The following SMC4 variants were observed in gnomAD, a reference collection of about 807,000 sequenced individuals.
SMC4 encodes the protein structural maintenance of chromosomes protein 4.
A neutral mutation model predicts 145.6 loss-of-function variants in SMC4; 87 were observed. The ratio of observed to expected loss-of-function variants is 0.60; its 90% CI spans 0.50 to 0.71. The LOEUF (loss-of-function observed/expected upper bound fraction) is 0.71. SMC4 is among the 30% of genes least tolerant of loss of function. The probability of loss-of-function intolerance (pLI) is 0.00; values close to 1 mark genes in which losing one functional copy is unlikely to be tolerated. For missense variants in SMC4, 1,447 were observed against 1,537.1 expected, an observed-to-expected ratio of 0.94 and a Z score of 0.98; for synonymous variants, 558 against 500.7, an observed-to-expected ratio of 1.11 and a Z score of -1.53.
Position 160,433,991 on chromosome 3 carries a change from C to A in SMC4, c.*182C>A. 1 of 450,558 alleles carries A rather than the reference C, an allele frequency of 2.2e-6. No individual in the cohort carries two copies. 27.9% of individuals were successfully genotyped at this position (450,558 alleles called of 1,614,324 possible). A position where few individuals can be genotyped will look rare whatever the true frequency, so the allele number is the denominator to read the frequency against. ...ATTCTCTATAATTGCTTCTAGATTA[C>A]AAAAATATGACAATCTTGTAAGTAG... On this transcript the variant is annotated 3_prime_UTR_variant, in exon 24 of 24. Transcript: ENST00000357388.
rs1443693066 is a variant in SMC4, at chr3:160,421,368, A to G, written c.2019+467A>G. Among the ~76,000 whole-genome samples, 4 of 152,340 alleles carry G rather than the reference A, an allele frequency of 2.6e-5. No homozygotes were observed. In the East Asian group the frequency reaches 7.7e-4, roughly 29 times the overall value. On this transcript the variant is annotated intron_variant, in intron 13 of 23. Transcript: ENST00000357388. ...TTATATGATTATAAAAAATTGTTTG[A>G]CATTTGCAGTGCCTCCACTAAAGGA...
At chr3:160,400,680 T>C (rs1714483644) in intron 1 of SMC4, 142 bp from the exon 2 acceptor site, 2 of 1,082,290 alleles carry the variant, frequency 1.8e-6, no homozygotes, top group South Asian at 4.0e-5. Flanking sequence ...TTTCGATGGC[T>C]CCCTTCCCGA....
At chr3:160,406,559 G>A (rs961699300) in intron 5 of SMC4, among the ~76,000 whole-genome samples, 9 of 152,066 alleles carry the variant, frequency 5.9e-5, no homozygotes, top group African/African-American at 1.7e-4. Context: ...AAACAGCATC[G>A]TAGTATCAAC....
At chr3:160,416,637 A>C in intron 10 of SMC4, 1 of 300,084 alleles carries the variant, frequency 3.3e-6, no homozygotes, top group Non-Finnish European at 6.2e-6. Flanking sequence ...TAGTAGCAGA[A>C]GGTGTGATGT....
At chr3:160,412,240 C>A in intron 6 of SMC4, 86 bp from the exon 7 acceptor site, 1 of 1,445,198 alleles carries the variant, frequency 6.9e-7, no homozygotes, top group South Asian at 1.3e-5. Context: ...TCCTTATTAA[C>A]TGTTTTTATC....
chr3:160,402,119 A>G, intron 3 of SMC4, 26 bp downstream of exon 3: 2 of 1,414,998 alleles, frequency 1.4e-6, no homozygotes. Flanking sequence ...TAACTATTTT[A>G]TAACTTTTTA....
intron 5 of SMC4, among the ~76,000 whole-genome samples, chr3:160,407,812 G>A (rs1376861641): frequency 6.6e-6 from 1 of 152,062 alleles, no homozygotes; most frequent in African/African-American, 2.4e-5. Context: ...CCACAACTAG[G>A]GTGAAGGTGG....
rs1715555999 is a variant in SMC4, at chr3:160,408,167, A to C, written c.687+3663A>C. 2.0e-5 allele frequency among the ~76,000 whole-genome samples: 3 copies of C among 151,300 alleles called. No individual in the cohort carries two copies. The South Asian group carries it at 6.2e-4, about 31-fold the overall frequency. On this transcript the variant is annotated intron_variant, in intron 5 of 23. Coordinates refer to ENST00000357388, the MANE Select transcript of SMC4 (RefSeq NM_001002800.3). ...CTCCTTCATAGTAATTACAAGTAAA[A>C]ATAAAGAGAAGAATAATTGAGGCCT... is the stretch of plus-strand genomic sequence containing the variant.
In SMC4 at chr3:160,434,794, A is replaced by G. The variant is rs1181628151; in HGVS notation, c.*985A>G. 6.6e-6 allele frequency: 1 copy of G among 152,176 alleles called. No homozygotes were observed. The highest frequency in any genetic ancestry group is 1.5e-5 in the Non-Finnish European group (1 of 68,034). 9.4% of individuals were successfully genotyped at this position (152,176 alleles called of 1,614,324 possible). The stretch of plus-strand genomic sequence containing the variant: ...TGCCCTAGCTGTTAAATTTCTGGGT[A>G]TTTATCCTAAGGAATTAATTAAAGA... On this transcript the variant is annotated 3_prime_UTR_variant, in exon 24 of 24. Coordinates refer to ENST00000357388, the MANE Select transcript of SMC4 (RefSeq NM_001002800.3).
At chr3:160,414,584 T>C (rs752071620) in intron 9 of SMC4, 67 bp downstream of exon 9, 1 of 1,413,208 alleles carries the variant, frequency 7.1e-7, no homozygotes, top group South Asian at 1.2e-5. Context: ...CATGGATGTG[T>C]TTGCCCCTTA....
At chr3:160,406,117 A>T (rs576258856) in intron 5 of SMC4, among the ~76,000 whole-genome samples, 1 of 152,130 alleles carries the variant, frequency 6.6e-6, no homozygotes, top group Non-Finnish European at 1.5e-5. Context: ...TCAAATTTAT[A>T]TTACATTTGT....
intron 5 of SMC4, among the ~76,000 whole-genome samples, chr3:160,409,815 C>G (rs1452979614): frequency 2.0e-5 from 3 of 152,104 alleles, no homozygotes; most frequent in Non-Finnish European, 4.4e-5. Context: ...GCCCTTAATC[C>G]CAGCATTTTG....
intron 22 of SMC4, 81 bp from the exon 23 acceptor site, chr3:160,432,945 A>C: frequency 1.1e-6 from 1 of 895,970 alleles, no homozygotes; most frequent in Non-Finnish European, 1.8e-6. Context: ...AGATAGTAGA[A>C]CTCAATTATG....
Position 160,419,539 on chromosome 3 carries a change from G to A in SMC4, c.1853G>A (p.Arg618Lys). Residue 618 changes from arginine to lysine, a missense_variant, in exon 12 of 24, where the codon AGA becomes AAA. Coordinates refer to ENST00000357388, the MANE Select transcript of SMC4 (RefSeq NM_001002800.3). ...KSGRIPGIYG[R>K]LGDLGAIDEK... ...GGCAGGATTCCAGGAATATATGGAA[G>A]ATTGGTAAAGTAGATTTTTGGGGGG... The A allele has an allele frequency of 6.3e-7, 1 of 1,586,030 alleles. No individual in the cohort carries two copies. The highest frequency in any genetic ancestry group is 1.4e-5 in the African/African-American group (1 of 72,768).
intron 23 of SMC4, 84 bp downstream of exon 23, chr3:160,433,293 A>G: frequency 1.0e-6 from 1 of 969,994 alleles, no homozygotes; most frequent in African/African-American, 1.6e-5. Flanking sequence ...ATTTCTTACA[A>G]TTGAGCTTTT....
chr3:160,422,562 C>T (rs578148160), intron 13 of SMC4, among the ~76,000 whole-genome samples: 1 of 152,128 alleles, frequency 6.6e-6, no homozygotes, highest in Non-Finnish European at 1.5e-5. Flanking sequence ...TGTAGGATTT[C>T]TCTATTCTGA....
At chr3:160,429,741 C>T (rs1390670657) in intron 18 of SMC4, among the ~76,000 whole-genome samples, 1 of 134,256 alleles carries the variant, frequency 7.4e-6, no homozygotes, top group African/African-American at 2.8e-5. Context: ...CTTTTTGAGA[C>T]AGTCTCGCTC....
At chr3:160,425,529 A>G (rs984783877) in intron 16 of SMC4, among the ~76,000 whole-genome samples, 1 of 152,028 alleles carries the variant, frequency 6.6e-6, no homozygotes, top group South Asian at 2.1e-4. Flanking sequence ...TTCTTAAATT[A>G]TGGTTTTCTT....
intron 19 of SMC4, 119 bp downstream of exon 19, chr3:160,430,862 A>G: frequency 7.9e-7 from 1 of 1,265,822 alleles, no homozygotes; most frequent in Non-Finnish European, 1.1e-6. Flanking sequence ...TTTTATAACT[A>G]TCAATTTTTA....
Sources: allele counts gnomAD v4.1 joint callset (sites outside exome capture counted in the v4.1 genomes callset), GRCh38; gene constraint gnomAD v4.1.1; transcripts MANE v1.5; gene names NCBI Gene and HGNC (gene_info 2026-07-23, HGNC 2026-07-21).